PEMT: variants seen among roughly 807,000 people sequenced by gnomAD.
PEMT encodes phosphatidylethanolamine N-methyltransferase.
A neutral mutation model predicts 27.4 loss-of-function variants in PEMT; 23 were observed. The observed-to-expected ratio is 0.84, with a 90% CI of 0.60 to 1.19. The LOEUF (loss-of-function observed/expected upper bound fraction) is 1.19, where lower values mean the gene tolerates loss of function less well. PEMT is among the 50% of genes most tolerant of loss of function. PEMT has a pLI of 0.00. For synonymous variants in PEMT, 137 were observed against 139.1 expected (o/e 0.98, Z 0.11); for missense variants, 307 against 310.1 (o/e 0.99, Z 0.07).
intron 2 of PEMT, among the ~76,000 whole-genome samples, chr17:17,568,604 AG>A (rs2142718553): frequency 6.6e-6 from 1 of 152,292 alleles, no homozygotes; most frequent in Admixed American, 6.5e-5. Flanking sequence ...ACAAGGGTAC[AG>A]GGCCTGGGCT....
chr17:17,524,346 T>C (rs1907511859), intron 2 of PEMT, among the ~76,000 whole-genome samples: 1 of 152,214 alleles, frequency 6.6e-6, no homozygotes. Context: ...ATTGAAGAGC[T>C]GTGAAACTGT....
rs1156406989 is a variant in PEMT at position 17,512,959 on chromosome 17, T to C, written c.321-305A>G. On this transcript the variant is annotated intron_variant, in intron 3 of 6. Coordinates refer to ENST00000255389, the MANE Select transcript of PEMT (RefSeq NM_148172.3). The surrounding 1 kb of genome is among the most constrained non-coding windows in gnomAD (Gnocchi z 6.3). The stretch of plus-strand genomic sequence containing the variant: ...AATTCATGAAAGCCACTTTAGACCC[T>C]GCATGTGAGCAGGCTGGATTCAGCC... Among the ~76,000 whole-genome samples the C allele has an allele frequency of 2.6e-5, 4 of 152,194 alleles. No individual in the cohort carries two copies. The highest frequency in any genetic ancestry group is 5.9e-5 in the Non-Finnish European group (4 of 68,024).
chr17:17,587,974 C>T (rs115528958), intron 1 of PEMT, among the ~76,000 whole-genome samples: 132 of 152,240 alleles, frequency 8.7e-4, no homozygotes, highest in African/African-American at 3.0e-3. Flanking sequence ...GCAATATATA[C>T]AAAGGATAAT....
rs111688436 is a variant in PEMT, at chr17:17,507,134, C to T, written c.579-833G>A. On this transcript the variant is annotated intron_variant, in intron 5 of 6. Transcript: ENST00000255389. ...GCTTTGGGTTTCCAGAAATAGCTGC[C>T]GTCAAGCTGTCCCCCAATCTATTTC... is the stretch of plus-strand genomic sequence containing the variant. 35 of 1,552,230 alleles carry T rather than the reference C, an allele frequency of 2.3e-5. No individual in the cohort carries two copies. In the Admixed American group the frequency reaches 2.7e-4, roughly 12 times the overall value.
chr17:17,515,560 C>T (rs1176126792), intron 3 of PEMT, among the ~76,000 whole-genome samples: 1 of 152,196 alleles, frequency 6.6e-6, no homozygotes, highest in African/African-American at 2.4e-5. Flanking sequence ...GGGCTGAGCT[C>T]CTCCCTGGCG....
intron 2 of PEMT, among the ~76,000 whole-genome samples, chr17:17,526,564 G>C (rs752059003): frequency 6.6e-5 from 10 of 152,242 alleles, no homozygotes; most frequent in Non-Finnish European, 1.5e-4. Flanking sequence ...CCGTGGCTCA[G>C]AGCAGGGACT....
At chr17:17,584,350 A>T (rs1016592294) in intron 1 of PEMT, among the ~76,000 whole-genome samples, 1 of 152,118 alleles carries the variant, frequency 6.6e-6, no homozygotes, top group Non-Finnish European at 1.5e-5. Context: ...TAGTAGAGAC[A>T]GGGTTTCACC....
intron 1 of PEMT, among the ~76,000 whole-genome samples, chr17:17,578,393 G>A (rs1911762084): frequency 6.6e-6 from 1 of 151,922 alleles, no homozygotes; most frequent in Non-Finnish European, 1.5e-5. Context: ...CAGTTACTTG[G>A]GAGGCCAAGG....
intron 2 of PEMT, among the ~76,000 whole-genome samples, chr17:17,539,747 C>T (rs1908749169): frequency 6.6e-6 from 1 of 152,218 alleles, no homozygotes; most frequent in Admixed American, 6.5e-5. Flanking sequence ...GGGCACAGAG[C>T]CCCGGGCACA....
In PEMT at chr17:17,561,848, C is replaced by T. The variant is rs1597937055; in HGVS notation, c.204+15072G>A. Among the ~76,000 whole-genome samples the T allele has an allele frequency of 6.6e-6, 1 of 152,236 alleles. No homozygotes were observed. The highest frequency in any genetic ancestry group is 2.4e-5 in the African/African-American group (1 of 41,470). On this transcript the variant is annotated intron_variant, in intron 2 of 6. Transcript: ENST00000255389. The surrounding 1 kb of genome is among the most constrained non-coding windows in gnomAD (Gnocchi z 4.5). ...GTGGCTACCTCACGCGGACGCCCCACGTGCGGCCTGACCCACAGGAAGTCC... is the reference window on the plus strand; with the variant it reads ...GTGGCTACCTCACGCGGACGCCCCATGTGCGGCCTGACCCACAGGAAGTCC...
intron 1 of PEMT, among the ~76,000 whole-genome samples, chr17:17,586,264 G>GAAAGAAAT (rs1912282773): frequency 9.1e-6 from 1 of 109,754 alleles, no homozygotes; most frequent in Non-Finnish European, 1.8e-5. Flanking sequence ...AAGAAAGAAA[G>GAAAGAAAT]AAAGAAAGAA....
intron 5 of PEMT, chr17:17,507,575 C>T (rs1213337081): frequency 2.4e-5 from 6 of 250,474 alleles, no homozygotes; most frequent in East Asian, 8.3e-5. Flanking sequence ...CTGTGGGCGC[C>T]GAGGGGGACA....
At chr17:17,588,960 GTTGT>G (rs1332198113) in intron 1 of PEMT, among the ~76,000 whole-genome samples, 2 of 152,334 alleles carry the variant, frequency 1.3e-5, no homozygotes, top group African/African-American at 2.4e-5. Context: ...GATTCTTTGG[GTTGT>G]TTGTTTTTGT....
Position 17,561,595 on chromosome 17 carries a change from G to A in PEMT, c.204+15325C>T, listed in dbSNP as rs193034978. On this transcript the variant is annotated intron_variant, in intron 2 of 6. Transcript: ENST00000255389. This position sits in a 1 kb window ranked among gnomAD's most constrained non-coding sequence, Gnocchi z 4.5. ...CACCACCCACTCCAGGCACCATCCC[G>A]GCCCTTGCAACAGTGAGCCAGGCAG... Among the ~76,000 whole-genome samples the A allele has an allele frequency of 2.3e-3, 343 of 152,298 alleles. 1 individual carries two copies. The highest frequency in any genetic ancestry group is 3.5e-3 in the South Asian group (17 of 4,824).
At position 17,591,545 on chromosome 17, in the gene PEMT, TATTGCCGA is replaced by T; in HGVS notation, c.74_81del (p.Leu25HisfsTer2). 6.2e-7 allele frequency: 1 copy of T among 1,613,214 alleles called. No homozygotes were observed. The highest frequency in any genetic ancestry group is 8.5e-7 in the Non-Finnish European group (1 of 1,179,430). On this transcript the variant is annotated frameshift_variant, in exon 1 of 7. Coordinates refer to ENST00000255389, the MANE Select transcript of PEMT (RefSeq NM_148172.3). LOFTEE classifies it high-confidence loss of function. ...GCGGTCAGTACCTGTCTAAAATCAA[TATTGCCGA>T]GGCCTCCGCAGCAGTCAGGCCCTGC...
intron 2 of PEMT, chr17:17,570,765 AGAG>A (rs1271454010): frequency 1.0e-6 from 1 of 985,328 alleles, no homozygotes; most frequent in African/African-American, 1.7e-5. Flanking sequence ...GGGTGGCTAG[AGAG>A]GAGCAGTGGG....
chr17:17,524,476 G>A (rs542196974), intron 2 of PEMT, among the ~76,000 whole-genome samples: 1 of 152,048 alleles, frequency 6.6e-6, no homozygotes, highest in African/African-American at 2.4e-5. Context: ...CTTCAGGGGT[G>A]GGGGACACTG....
chr17:17,565,327 C>G (rs4646362), intron 2 of PEMT: 10,055 of 152,658 alleles, frequency 0.066, 860 homozygotes, highest in African/African-American at 0.19. Context: ...GAGACCACAC[C>G]TCTGCATCAG....
At position 17,522,398 on chromosome 17, in the gene PEMT, A is replaced by G. The variant is rs769633644; in HGVS notation, c.205-3T>C. On this transcript the variant is annotated splice_polypyrimidine_tract_variant and splice_region_variant and intron_variant, in intron 2 of 6. Transcript: ENST00000255389. ...GTCTTGTGTTCCCATCGTGCAACCT[A>G]AACCGTGAGCAGAGAACAAGAACGA... is the stretch of plus-strand genomic sequence containing the variant. 6.2e-6 allele frequency: 10 copies of G among 1,606,006 alleles called. No homozygotes were observed. Among genetic ancestry groups the G allele is most frequent in the Non-Finnish European group, 8.5e-6 (10 of 1,172,832 alleles).
Sources: gnomAD v4.1 joint callset for allele counts (sites outside exome capture counted in the v4.1 genomes callset) on GRCh38, gnomAD v4.1.1 for gene constraint, Gnocchi (gnomAD v3.1) non-coding constraint, MANE v1.5 for transcripts, NCBI Gene and HGNC (gene_info 2026-07-23, HGNC 2026-07-21) for gene names.